RAB7A: variants seen among roughly 807,000 people sequenced by gnomAD.
RAB7A encodes ras-related protein Rab-7a.
In RAB7A, 2 loss-of-function variants were observed where a neutral mutation model predicts 24.5. The observed-to-expected ratio is 0.08, with a 90% CI of 0.03 to 0.26. The LOEUF is 0.26. RAB7A is among the 10% of genes least tolerant of loss of function. RAB7A has a pLI of 1.00. For missense variants in RAB7A, 118 were observed against 255.7 expected (o/e 0.46, Z 3.67); for synonymous variants, 100 against 95.9 (o/e 1.04, Z -0.25).
intron 1 of RAB7A, among the ~76,000 whole-genome samples, chr3:128,761,408 T>C (rs2070775050): frequency 6.6e-6 from 1 of 152,240 alleles, no homozygotes; most frequent in Non-Finnish European, 1.5e-5. Context: ...TTGACTATTC[T>C]TATGACATCA....
chr3:128,774,570 TTTTA>T (rs939011590), intron 1 of RAB7A, among the ~76,000 whole-genome samples: 7 of 151,684 alleles, frequency 4.6e-5, no homozygotes, highest in African/African-American at 1.5e-4. Flanking sequence ...CAAGTGATTC[TTTTA>T]TTTATTTATT....
At chr3:128,812,693 CAGAT>C (rs1215210625) in intron 5 of RAB7A, among the ~76,000 whole-genome samples, 4 of 152,330 alleles carry the variant, frequency 2.6e-5, no homozygotes. Flanking sequence ...TCACTTGTCA[CAGAT>C]GGTGATAAAA....
At chr3:128,812,303 C>T (rs113813251) in intron 5 of RAB7A, among the ~76,000 whole-genome samples, 2 of 152,112 alleles carry the variant, frequency 1.3e-5, no homozygotes, top group Admixed American at 6.6e-5. Context: ...TTAGTAGAGA[C>T]GGGGTTTCAC....
intron 1 of RAB7A, among the ~76,000 whole-genome samples, chr3:128,794,676 C>T (rs1933529755): frequency 6.6e-6 from 1 of 152,058 alleles, no homozygotes; most frequent in Non-Finnish European, 1.5e-5. Context: ...GACAGTTGAG[C>T]AGAGATCAGG....
chr3:128,788,342 A>G (rs141240064), intron 1 of RAB7A, among the ~76,000 whole-genome samples: 1 of 152,382 alleles, frequency 6.6e-6, no homozygotes, highest in East Asian at 1.9e-4. Context: ...TTGTGAGAAC[A>G]TATTTTCTAT....
chr3:128,789,460 C>T (rs1329277015), intron 1 of RAB7A, among the ~76,000 whole-genome samples: 2 of 151,804 alleles, frequency 1.3e-5, no homozygotes, highest in Non-Finnish European at 2.9e-5. Flanking sequence ...CTCAGCCTCC[C>T]GAGTAGTTAT....
intron 1 of RAB7A, among the ~76,000 whole-genome samples, chr3:128,757,556 G>A (rs1055661678): frequency 6.7e-6 from 1 of 149,578 alleles, no homozygotes; most frequent in Admixed American, 6.6e-5. Flanking sequence ...GTCTTGCTGT[G>A]TTACCCAGGC....
At chr3:128,747,087 A>G (rs948730005) in intron 1 of RAB7A, among the ~76,000 whole-genome samples, 1 of 151,380 alleles carries the variant, frequency 6.6e-6, no homozygotes, top group African/African-American at 2.5e-5. Context: ...GGCAAAGATC[A>G]CTGAGGCCAG....
chr3:128,749,889 A>G (rs1489419295), intron 1 of RAB7A, among the ~76,000 whole-genome samples: 1 of 152,208 alleles, frequency 6.6e-6, no homozygotes, highest in Non-Finnish European at 1.5e-5. Flanking sequence ...AAGGACTAAT[A>G]TGGTAAATGG....
chr3:128,779,699 C>T (rs781115835), intron 1 of RAB7A, among the ~76,000 whole-genome samples: 6 of 152,156 alleles, frequency 3.9e-5, no homozygotes, highest in Non-Finnish European at 8.8e-5. Flanking sequence ...TCAGGAGATT[C>T]TCCTGCCTCA....
At chr3:128,802,282 G>A (rs1218016487) in intron 3 of RAB7A, among the ~76,000 whole-genome samples, 1 of 151,454 alleles carries the variant, frequency 6.6e-6, no homozygotes, top group Non-Finnish European at 1.5e-5. Flanking sequence ...TCTCTATACT[G>A]TTCAGAAAGA....
chr3:128,768,703 C>T (rs2070855407), intron 1 of RAB7A, among the ~76,000 whole-genome samples: 2 of 151,274 alleles, frequency 1.3e-5, no homozygotes, highest in African/African-American at 4.9e-5. Context: ...GAACTAAGGG[C>T]ACATGCCACC....
rs1437999300 is a variant in RAB7A, at chr3:128,813,613, A to C, written c.*191A>C. ...CACACACACACACACGCACACACACACACACAGATCTGACGTAATCAAACT... is the reference window on the plus strand; with the variant it reads ...CACACACACACACACGCACACACACCCACACAGATCTGACGTAATCAAACT... On this transcript the variant is annotated 3_prime_UTR_variant, in exon 6 of 6. Transcript: ENST00000265062. 8.1e-6 allele frequency: 5 copies of C among 614,338 alleles called. No homozygotes were observed. 38.1% of individuals were successfully genotyped at this position (614,338 alleles called of 1,614,324 possible).
At chr3:128,811,764 G>T (rs895187057) in intron 5 of RAB7A, among the ~76,000 whole-genome samples, 10 of 151,912 alleles carry the variant, frequency 6.6e-5, no homozygotes, top group South Asian at 2.1e-4. Flanking sequence ...CTGGAGGATT[G>T]TGTGAGCCCA....
intron 4 of RAB7A, 75 bp from the exon 5 acceptor site, chr3:128,807,468 C>G (rs1242490281): frequency 1.5e-5 from 24 of 1,606,074 alleles, no homozygotes; most frequent in Non-Finnish European, 2.0e-5. Flanking sequence ...GGGGCCATGA[C>G]ACTTCCTGGG....
At chr3:128,743,712 G>A (rs2070579656) in intron 1 of RAB7A, among the ~76,000 whole-genome samples, 1 of 152,130 alleles carries the variant, frequency 6.6e-6, no homozygotes, top group African/African-American at 2.4e-5. Context: ...CAGCACTTTG[G>A]GAGGCCAAGA....
At chr3:128,755,754 A>G (rs2070724359) in intron 1 of RAB7A, among the ~76,000 whole-genome samples, 1 of 152,088 alleles carries the variant, frequency 6.6e-6, no homozygotes, top group Non-Finnish European at 1.5e-5. Flanking sequence ...TTTTAATTTC[A>G]TGAATAATGG....
intron 1 of RAB7A, among the ~76,000 whole-genome samples, chr3:128,788,014 A>G (rs761042676): frequency 2.6e-5 from 4 of 152,212 alleles, no homozygotes; most frequent in Non-Finnish European, 4.4e-5. Context: ...GCACCCTGCC[A>G]TAAGTTTTAA....
At chr3:128,740,773 C>T (rs1005918688) in intron 1 of RAB7A, among the ~76,000 whole-genome samples, 1 of 150,436 alleles carries the variant, frequency 6.6e-6, no homozygotes, top group African/African-American at 2.4e-5. Flanking sequence ...TGTGGTGGCA[C>T]ATACTTGTAG....
Sources: allele counts gnomAD v4.1 joint callset (sites outside exome capture counted in the v4.1 genomes callset), GRCh38; gene constraint gnomAD v4.1.1; transcripts MANE v1.5; gene names NCBI Gene and HGNC (gene_info 2026-07-23, HGNC 2026-07-21).